PKDCC: variants seen among roughly 807,000 people sequenced by gnomAD.
PKDCC encodes the protein extracellular tyrosine-protein kinase PKDCC.
PKDCC carries 35 observed loss-of-function variants against 44.7 expected under a neutral mutation model. That is an observed-to-expected ratio of 0.78 (90% CI 0.60 to 1.04). The LOEUF is 1.04. Ranked by LOEUF, PKDCC falls within the 50% of genes least tolerant of loss-of-function variation. PKDCC has a pLI of 0.00. For missense variants in PKDCC, 738 were observed against 672.7 expected, an observed-to-expected ratio of 1.10 and a Z score of -1.07; for synonymous variants, 353 against 303.3, an observed-to-expected ratio of 1.16 and a Z score of -1.70.
In PKDCC at chr2:42,054,273, A is replaced by G. The variant is rs140379807; in HGVS notation, c.1000A>G (p.Met334Val). The change falls in exon 3 of 7, where the codon ATG becomes GTG. Residue 334 changes from methionine (M) to valine (V), a missense_variant. Met to Val is a conservative substitution (Grantham distance 21). Transcript: ENST00000294964. The surrounding 1 kb of genome is among the most constrained non-coding windows in gnomAD (Gnocchi z 6.1). ...CTCAGCCCAGGGCTGGTGCGAGGGCATGAACGAGAAGCGGAACCTCTATAA... is the reference window on the plus strand; with the variant it reads ...CTCAGCCCAGGGCTGGTGCGAGGGCGTGAACGAGAAGCGGAACCTCTATAA... ...PCSAQGWCEG[M>V]NEKRNLYNAY... The G allele has an allele frequency of 6.0e-5, 96 of 1,606,176 alleles. No homozygotes were observed. The African/African-American group carries it at 9.3e-4, about 16-fold the overall frequency.
At position 42,055,500 on chromosome 2, in the gene PKDCC, C is replaced by G; in HGVS notation, c.1222+107C>G. On this transcript the variant is annotated intron_variant, in intron 5 of 6. Coordinates refer to ENST00000294964, the MANE Select transcript of PKDCC (RefSeq NM_138370.3). The surrounding 1 kb of genome is among the most constrained non-coding windows in gnomAD (Gnocchi z 4.5). Reference sequence around the variant, plus strand: ...TCACCCTTTCTCTGGGGACCCTTGTCTCCAAAGGCCACTGTAGGGGCTCAC... The same window carrying G: ...TCACCCTTTCTCTGGGGACCCTTGTGTCCAAAGGCCACTGTAGGGGCTCAC... 1.1e-6 allele frequency: 1 copy of G among 898,762 alleles called. No homozygotes were observed. Among genetic ancestry groups the G allele is most frequent in the Non-Finnish European group, 1.7e-6 (1 of 575,500 alleles). 55.7% of individuals were successfully genotyped at this position (898,762 alleles called of 1,614,324 possible).
At position 42,057,687 on chromosome 2, in the gene PKDCC, G is replaced by A. The variant is rs760303688; in HGVS notation, c.1481G>A (p.Ter494=). 4.3e-6 allele frequency: 7 copies of A among 1,613,378 alleles called. No individual in the cohort carries two copies. Among genetic ancestry groups the A allele is most frequent in the Middle Eastern group, 1.7e-4 (1 of 5,982 alleles). Residue 494 remains the stop codon, a stop_retained_variant, in exon 7 of 7, where the codon TGA becomes TAA. Transcript: ENST00000294964. ...NKTTYVKASG[*] is the part of the protein sequence containing the mutation. ...ACCACATATGTGAAGGCCTCTGGCT[G>A]ACCTATCTGAGGGCTCGGCTGACCA... is the stretch of plus-strand genomic sequence containing the variant.
rs1668088574 is a variant in PKDCC at position 42,058,068 on chromosome 2, T to TG, written c.*381dup. ...AGAATGTAGCTAAAGCCCCTGCTGC[T>TG]GCTGCTGCACATGCCACAGCAGGCG... On this transcript the variant is annotated 3_prime_UTR_variant, in exon 7 of 7. Transcript: ENST00000294964. This position sits in a 1 kb window ranked among gnomAD's most constrained non-coding sequence, Gnocchi z 4.2. 1 of 218,950 alleles carries TG rather than the reference T, an allele frequency of 4.6e-6. No individual in the cohort carries two copies. The allele number at this position is 218,950 out of a possible 1,614,324, so 13.6% of individuals were successfully genotyped here. A position where few individuals can be genotyped will look rare whatever the true frequency, so the allele number is the denominator to read the frequency against.
Position 42,053,298 on chromosome 2 carries a change from G to C in PKDCC, c.699G>C (p.Thr233=). Residue 233 remains threonine, a synonymous_variant, in exon 2 of 7, where the codon ACG becomes ACC. Coordinates refer to ENST00000294964, the MANE Select transcript of PKDCC (RefSeq NM_138370.3). ...TCCCAGACACCCTGACCACCATCAC[G>C]GAGCTGGGCGCCCCTGTAGAAATGA... ...EDIPDTLTTI[T]ELGAPVEMIQ... is the part of the protein sequence containing the mutation. The C allele has an allele frequency of 6.3e-7, 1 of 1,579,918 alleles. No individual in the cohort carries two copies. The highest frequency in any genetic ancestry group is 1.1e-5 in the South Asian group (1 of 90,536).
rs1280882704 is a variant in PKDCC at position 42,049,446 on chromosome 2, A to C, written c.639+608A>C. ...GGAGCAGGCTAGAAAAAGGGAACACAGTCCTTCCCAGAAGTGAACTAAGGG... is the reference window on the plus strand; with the variant it reads ...GGAGCAGGCTAGAAAAAGGGAACACCGTCCTTCCCAGAAGTGAACTAAGGG... On this transcript the variant is annotated intron_variant, in intron 1 of 6. Coordinates refer to ENST00000294964, the MANE Select transcript of PKDCC (RefSeq NM_138370.3). Among the ~76,000 whole-genome samples the C allele has an allele frequency of 2.0e-5, 3 of 151,814 alleles. No individual in the cohort carries two copies. The East Asian group carries it at 5.9e-4, about 30-fold the overall frequency.
intron 1 of PKDCC, among the ~76,000 whole-genome samples, chr2:42,053,006 C>T (rs1368191407): frequency 6.6e-6 from 1 of 152,180 alleles, no homozygotes. Flanking sequence ...GTGGCCAGAC[C>T]TGCCTATTTA....
rs1235473044 is a variant in PKDCC, at chr2:42,048,690, C to T, written c.491C>T (p.Ala164Val). ...CGCCTGCCCGGCGGTGCCGCGGTGGCGCTCAAGGCGGTGGACTTTAGCGGC... is the reference window on the plus strand; with the variant it reads ...CGCCTGCCCGGCGGTGCCGCGGTGGTGCTCAAGGCGGTGGACTTTAGCGGC... ...RVRLPGGAAV[A>V]LKAVDFSGHD... The change falls in exon 1 of 7, where the codon GCG (alanine) becomes GTG (valine). Residue 164 changes from alanine to valine, a missense_variant. Coordinates refer to ENST00000294964, the MANE Select transcript of PKDCC (RefSeq NM_138370.3). The surrounding 1 kb of genome is among the most constrained non-coding windows in gnomAD (Gnocchi z 6.2). 2 of 1,549,814 alleles carry T rather than the reference C, an allele frequency of 1.3e-6. No individual in the cohort carries two copies. Among genetic ancestry groups the T allele is most frequent in the African/African-American group, 2.7e-5 (2 of 73,154 alleles).
chr2:42,054,184 C>G lies in PKDCC; in HGVS notation c.911C>G (p.Thr304Arg). 1 of 1,609,968 alleles carries G rather than the reference C, an allele frequency of 6.2e-7. No homozygotes were observed. The highest frequency in any genetic ancestry group is 8.5e-7 in the Non-Finnish European group (1 of 1,178,162). ...CTGGATGACGCACGTGTGGAGGAGA[C>G]GCCGTGTGCAGGCAGCACCGACTGC... ...TDLDDARVEE[T>R]PCAGSTDCIL... The change falls in exon 3 of 7, where the codon ACG (threonine) becomes AGG (arginine). Residue 304 changes from threonine (T) to arginine (R), a missense_variant. Thr to Arg is a moderately conservative substitution (Grantham distance 71). Transcript: ENST00000294964. This position sits in a 1 kb window ranked among gnomAD's most constrained non-coding sequence, Gnocchi z 6.1.
In PKDCC at chr2:42,048,424, C is replaced by CG; in HGVS notation, c.228dup (p.Pro77AlafsTer95). On this transcript the variant is annotated frameshift_variant, in exon 1 of 7. Transcript: ENST00000294964. LOFTEE classifies it high-confidence loss of function. This position sits in a 1 kb window ranked among gnomAD's most constrained non-coding sequence, Gnocchi z 6.2. ...TGCAGCGCTATTCCCGCGGGGGCCC[C>CG]GGGCCCGGGGCGGGCCGGCCGGAGC... 8.9e-7 allele frequency: 1 copy of CG among 1,117,352 alleles called. No individual in the cohort carries two copies. Among genetic ancestry groups the CG allele is most frequent in the South Asian group, 3.8e-5 (1 of 26,376 alleles). The allele number at this position is 1,117,352 out of a possible 1,614,324, so 69.2% of individuals were successfully genotyped here.
At chr2:42,053,695 A>G (rs554518545) in intron 2 of PKDCC, among the ~76,000 whole-genome samples, 1 of 152,280 alleles carries the variant, frequency 6.6e-6, no homozygotes, top group East Asian at 1.9e-4. Context: ...GAAAGACCTT[A>G]ATACCATCCT....
chr2:42,050,228 C>T (rs1667943594), intron 1 of PKDCC, among the ~76,000 whole-genome samples: 1 of 152,216 alleles, frequency 6.6e-6, no homozygotes, highest in African/African-American at 2.4e-5. Flanking sequence ...CAGCTCACAC[C>T]GTGTCTGCAG....
rs755430237 is a variant in PKDCC, at chr2:42,054,923, G to C, written c.1035-18G>C. 1.1e-5 allele frequency: 18 copies of C among 1,607,018 alleles called. No individual in the cohort carries two copies. The East Asian group carries it at 3.8e-4, about 34-fold the overall frequency. On this transcript the variant is annotated intron_variant, in intron 3 of 6. Coordinates refer to ENST00000294964, the MANE Select transcript of PKDCC (RefSeq NM_138370.3). This position sits in a 1 kb window ranked among gnomAD's most constrained non-coding sequence, Gnocchi z 6.1. ...CCAAAGGCTGGATTCCTGAGCCACT[G>C]GTTTCCCTCTGCCACAGGTTTTTCT... is the stretch of plus-strand genomic sequence containing the variant.
Position 42,048,116 on chromosome 2 carries a change from G to T in PKDCC, c.-84G>T. ...CTGGGCAGGGGGCCGGCGGGGCGCA[G>T]AGCGGAGCCGCCTCGGAGCCTGAGC... On this transcript the variant is annotated 5_prime_UTR_variant, in exon 1 of 7. It introduces an in-frame stop codon into an upstream open reading frame of the 5' UTR. Coordinates refer to ENST00000294964, the MANE Select transcript of PKDCC (RefSeq NM_138370.3). The surrounding 1 kb of genome is among the most constrained non-coding windows in gnomAD (Gnocchi z 6.2). The T allele has an allele frequency of 1.2e-6, 1 of 832,106 alleles. No homozygotes were observed. The highest frequency in any genetic ancestry group is 5.2e-5 in the South Asian group (1 of 19,108). 51.5% of individuals were successfully genotyped at this position (832,106 alleles called of 1,614,324 possible).
In PKDCC at chr2:42,054,396, G is replaced by A. The variant is rs1668019845; in HGVS notation, c.1034+89G>A. 24 of 1,452,086 alleles carry A rather than the reference G, an allele frequency of 1.7e-5. No individual in the cohort carries two copies. The highest frequency in any genetic ancestry group is 2.2e-5 in the Non-Finnish European group (24 of 1,076,440). 90.0% of individuals were successfully genotyped at this position (1,452,086 alleles called of 1,614,324 possible). A position where few individuals can be genotyped will look rare whatever the true frequency, so the allele number is the denominator to read the frequency against. ...AAGAGAGCCAACGTGGAGGCCAGCT[G>A]GGCAGGGAGACTCAGCCTTGACCAG... On this transcript the variant is annotated intron_variant, in intron 3 of 6. Coordinates refer to ENST00000294964, the MANE Select transcript of PKDCC (RefSeq NM_138370.3). This position sits in a 1 kb window ranked among gnomAD's most constrained non-coding sequence, Gnocchi z 6.1.
At chr2:42,053,144 G>A (rs2103927680) in intron 1 of PKDCC, 95 bp from the exon 2 acceptor site, 1 of 1,360,704 alleles carries the variant, frequency 7.3e-7, no homozygotes, top group East Asian at 2.3e-5. Context: ...GCCTGGGGAT[G>A]GTGGGAGGAG....
intron 5 of PKDCC, among the ~76,000 whole-genome samples, chr2:42,056,456 C>A (rs973210588): frequency 6.6e-6 from 1 of 152,184 alleles, no homozygotes; most frequent in Non-Finnish European, 1.5e-5. Context: ...GACTCCCTTC[C>A]ATCCCAGGCC....
intron 2 of PKDCC, 52 bp from the exon 3 acceptor site, chr2:42,053,984 G>A (rs2103928831): frequency 3.8e-6 from 6 of 1,574,646 alleles, no homozygotes; most frequent in East Asian, 2.3e-5. Context: ...GAGTCCCACA[G>A]ACCCCCAACC....
chr2:42,051,851 C>T lies in PKDCC; in HGVS notation c.640-1388C>T, dbSNP rs1667973291. On this transcript the variant is annotated intron_variant, in intron 1 of 6. Coordinates refer to ENST00000294964, the MANE Select transcript of PKDCC (RefSeq NM_138370.3). This position sits in a 1 kb window ranked among gnomAD's most constrained non-coding sequence, Gnocchi z 4.2. Reference sequence around the variant, plus strand: ...GAGGACATGTGAGGACCTGGAGTGGCTCTGGGGAGGGTGTGAATGATGGTA... The same window carrying T: ...GAGGACATGTGAGGACCTGGAGTGGTTCTGGGGAGGGTGTGAATGATGGTA... Among the ~76,000 whole-genome samples, 1 of 152,102 alleles carries T rather than the reference C, an allele frequency of 6.6e-6. No homozygotes were observed. The highest frequency in any genetic ancestry group is 1.5e-5 in the Non-Finnish European group (1 of 68,002).
intron 6 of PKDCC, 33 bp downstream of exon 6, chr2:42,057,427 A>G: frequency 6.2e-7 from 1 of 1,613,162 alleles, no homozygotes; most frequent in Non-Finnish European, 8.5e-7. Flanking sequence ...TCCAAGGGAG[A>G]TGGCAGGACC....
Sources: gnomAD v4.1 joint callset for allele counts (sites outside exome capture counted in the v4.1 genomes callset) on GRCh38, gnomAD v4.1.1 for gene constraint, Gnocchi (gnomAD v3.1) non-coding constraint, MANE v1.5 for transcripts, NCBI Gene and HGNC (gene_info 2026-07-23, HGNC 2026-07-21) for gene names.